Variants in IFNAR2 observed in about 807,000 individuals in gnomAD.
The protein encoded by IFNAR2 is interferon alpha and beta receptor subunit 2.
A neutral mutation model predicts 49.4 loss-of-function variants in IFNAR2; 30 were observed. That is an observed-to-expected ratio of 0.61 (90% confidence interval 0.45 to 0.82). The LOEUF is 0.82. IFNAR2 is among the 40% of genes least tolerant of loss of function. IFNAR2 has a pLI of 0.00. For missense variants in IFNAR2, 600 were observed against 622.7 expected, an observed-to-expected ratio of 0.96 and a Z score of 0.39; for synonymous variants, 224 against 234.5, an observed-to-expected ratio of 0.96 and a Z score of 0.41.
chr21:33,250,215 A>T (rs1204833944), intron 6 of IFNAR2, among the ~76,000 whole-genome samples: 3 of 152,204 alleles, frequency 2.0e-5, no homozygotes, highest in East Asian at 3.8e-4. Context: ...AAATAAGTTT[A>T]TGTGGCCTAA....
At chr21:33,254,280 C>G (rs529884387) in intron 7 of IFNAR2, among the ~76,000 whole-genome samples, 2 of 152,256 alleles carry the variant, frequency 1.3e-5, no homozygotes, top group South Asian at 4.2e-4. Flanking sequence ...AATTCAGGCA[C>G]AGCTGGCCAG....
At chr21:33,238,710 G>T (rs748600705) in intron 1 of IFNAR2, among the ~76,000 whole-genome samples, 2 of 150,784 alleles carry the variant, frequency 1.3e-5, no homozygotes, top group Non-Finnish European at 2.9e-5. Context: ...GCAACTCAAA[G>T]GGCAAGTGAC....
intron 5 of IFNAR2, 108 bp downstream of exon 5, chr21:33,246,998 G>A: frequency 5.7e-6 from 5 of 881,304 alleles, no homozygotes; most frequent in Non-Finnish European, 7.0e-6. Context: ...CTGGGGCTGG[G>A]CTCACCTCTT....
chr21:33,230,066 G>T lies in IFNAR2; in HGVS notation c.-234G>T, dbSNP rs1229524245. The T allele has an allele frequency of 2.0e-6, 2 of 986,448 alleles. No homozygotes were observed. The highest frequency in any genetic ancestry group is 2.4e-6 in the Non-Finnish European group (2 of 830,424). 61.1% of individuals were successfully genotyped at this position (986,448 alleles called of 1,614,324 possible). A position where few individuals can be genotyped will look rare whatever the true frequency, so the allele number is the denominator to read the frequency against. ...GCAGCCCGCGGACCACCACCCGGCCGCACGGGCCGCTTTTGTCCCCCGCCC... is the reference window on the plus strand; with the variant it reads ...GCAGCCCGCGGACCACCACCCGGCCTCACGGGCCGCTTTTGTCCCCCGCCC... On this transcript the variant is annotated 5_prime_UTR_variant, in exon 1 of 9. Transcript: ENST00000342136. The surrounding 1 kb of genome is among the most constrained non-coding windows in gnomAD (Gnocchi z 5.5).
intron 8 of IFNAR2, among the ~76,000 whole-genome samples, chr21:33,262,364 C>CAAA (rs58341848): frequency 6.9e-4 from 66 of 96,044 alleles, no homozygotes; most frequent in Admixed American, 9.5e-4. Flanking sequence ...ACTCCCGTCT[C>CAAA]AAAAAAAAAA....
intron 7 of IFNAR2, among the ~76,000 whole-genome samples, chr21:33,258,355 A>G (rs1033565696): frequency 1.3e-5 from 2 of 152,168 alleles, no homozygotes; most frequent in African/African-American, 4.8e-5. Flanking sequence ...CTCTCACAGC[A>G]GCAGCAGAGG....
At chr21:33,247,388 A>T (rs1211504268) in intron 5 of IFNAR2, among the ~76,000 whole-genome samples, 1 of 151,422 alleles carries the variant, frequency 6.6e-6, no homozygotes, top group Non-Finnish European at 1.5e-5. Context: ...AGTAGCTGGG[A>T]TTACAAGCAC....
chr21:33,260,782 C>A, intron 8 of IFNAR2, 55 bp downstream of exon 8: 1 of 1,136,558 alleles, frequency 8.8e-7, no homozygotes, highest in South Asian at 1.9e-5. Context: ...TTTATTTTAA[C>A]TTAAGAATTT....
intron 1 of IFNAR2, chr21:33,236,904 TA>T: frequency 1.0e-6 from 1 of 984,550 alleles, no homozygotes; most frequent in Non-Finnish European, 1.2e-6. Flanking sequence ...GATCTATTTG[TA>T]GTCAGCAAGA....
At chr21:33,235,207 T>A (rs1378084685) in intron 1 of IFNAR2, among the ~76,000 whole-genome samples, 1 of 152,230 alleles carries the variant, frequency 6.6e-6, no homozygotes, top group African/African-American at 2.4e-5. Flanking sequence ...CGTCCTGTCT[T>A]ATCAGCAGGG....
At chr21:33,245,207 A>C in intron 4 of IFNAR2, 133 bp downstream of exon 4, 2 of 662,816 alleles carry the variant, frequency 3.0e-6, no homozygotes, top group Non-Finnish European at 5.2e-6. Context: ...TGCGTTTCTT[A>C]TTCAGAGCCT....
intron 6 of IFNAR2, among the ~76,000 whole-genome samples, chr21:33,249,347 A>C (rs1351226728): frequency 2.3e-5 from 1 of 42,862 alleles, no homozygotes; most frequent in South Asian, 6.6e-4. Context: ...CCGTCTCAAA[A>C]AAAAAAAAAA....
At chr21:33,260,986 G>A (rs1988530042) in intron 8 of IFNAR2, among the ~76,000 whole-genome samples, 1 of 142,812 alleles carries the variant, frequency 7.0e-6, no homozygotes, top group Non-Finnish European at 1.5e-5. Flanking sequence ...ATATATACAT[G>A]TGCAGTTGTA....
intron 4 of IFNAR2, among the ~76,000 whole-genome samples, chr21:33,245,369 G>A (rs1393917594): frequency 6.6e-6 from 1 of 152,206 alleles, no homozygotes; most frequent in African/African-American, 2.4e-5. Flanking sequence ...TCTTGTGTAT[G>A]GGTTAGGCAA....
chr21:33,255,111 G>A (rs749006741), intron 7 of IFNAR2, among the ~76,000 whole-genome samples: 1 of 152,188 alleles, frequency 6.6e-6, no homozygotes, highest in African/African-American at 2.4e-5. Context: ...AACACCTTTA[G>A]CGTAAGTTAT....
chr21:33,246,801 C>T lies in IFNAR2; in HGVS notation c.305C>T (p.Thr102Ile), dbSNP rs371406877. ...FCDLTDEWRS[T>I]HEAYVTVLEG... The stretch of plus-strand genomic sequence containing the variant: ...GACCTCACAGATGAGTGGAGAAGCA[C>T]ACACGAGGCCTATGTCACCGTCCTA... The change falls in exon 5 of 9, where the codon ACA (threonine) becomes ATA (isoleucine). Residue 102 changes from threonine to isoleucine, a missense_variant. Coordinates refer to ENST00000342136, the MANE Select transcript of IFNAR2 (RefSeq NM_001289125.3). 3.1e-6 allele frequency: 5 copies of T among 1,613,922 alleles called. No individual in the cohort carries two copies. The highest frequency in any genetic ancestry group is 1.7e-5 in the Admixed American group (1 of 60,032).
chr21:33,262,655 C>G, intron 8 of IFNAR2, 138 bp from the exon 9 acceptor site: 1 of 1,253,936 alleles, frequency 8.0e-7, no homozygotes, highest in Non-Finnish European at 1.2e-6. Context: ...AAACAGTCGT[C>G]CTGCCTAAGC....
intron 1 of IFNAR2, among the ~76,000 whole-genome samples, chr21:33,238,552 T>G (rs1808450021): frequency 6.6e-6 from 1 of 152,162 alleles, no homozygotes; most frequent in South Asian, 2.1e-4. Flanking sequence ...CTTGAAGAAC[T>G]CCTTTCTCAC....
rs894253810 is a variant in IFNAR2, at chr21:33,241,729, C to T, written c.-83-111C>T. Reference sequence around the variant, plus strand: ...CCCAGACTAGGTAGGGGATTGGGCCCAGAAGCTGAGACCAGGCTCACTTGA... The same window carrying T: ...CCCAGACTAGGTAGGGGATTGGGCCTAGAAGCTGAGACCAGGCTCACTTGA... On this transcript the variant is annotated intron_variant, in intron 1 of 8. Transcript: ENST00000342136. 10 of 670,532 alleles carry T rather than the reference C, an allele frequency of 1.5e-5. No homozygotes were observed. The Admixed American group carries it at 1.6e-4, about 11-fold the overall frequency. The allele number at this position is 670,532 out of a possible 1,614,324, so 41.5% of individuals were successfully genotyped here.
Sources: allele counts gnomAD v4.1 joint callset (sites outside exome capture counted in the v4.1 genomes callset), GRCh38; gene constraint gnomAD v4.1.1; non-coding constraint Gnocchi (gnomAD v3.1); transcripts MANE v1.5; gene names NCBI Gene and HGNC (gene_info 2026-07-23, HGNC 2026-07-21).